The following TOX variants were observed in gnomAD, a reference collection of about 807,000 sequenced individuals.
TOX encodes the protein thymocyte selection associated high mobility group box.
TOX carries 11 observed loss-of-function variants against 53.7 expected under a neutral mutation model. The ratio of observed to expected loss-of-function variants is 0.20; its 90% CI spans 0.13 to 0.34. The LOEUF (loss-of-function observed/expected upper bound fraction) is 0.34, where lower values mean the gene tolerates loss of function less well. TOX is among the 10% of genes least tolerant of loss of function. The probability of loss-of-function intolerance (pLI) is 1.00; values close to 1 mark genes in which losing one functional copy is unlikely to be tolerated. For synonymous variants in TOX, 225 were observed against 245.3 expected, an observed-to-expected ratio of 0.92 and a Z score of 0.77; for missense variants, 570 against 664.6, an observed-to-expected ratio of 0.86 and a Z score of 1.56.
intron 3 of TOX, among the ~76,000 whole-genome samples, chr8:58,896,127 GT>G: frequency 6.6e-6 from 1 of 152,072 alleles, no homozygotes; most frequent in South Asian, 2.1e-4. Flanking sequence ...TGCTTCCTAC[GT>G]TTGGCTATGT....
chr8:59,013,691 G>C (rs527256293), intron 1 of TOX, among the ~76,000 whole-genome samples: 1 of 152,330 alleles, frequency 6.6e-6, no homozygotes, highest in African/African-American at 2.4e-5. Context: ...TTACAGGCGT[G>C]AGCCAGCGCA....
chr8:59,083,325 T>C (rs1375353704), intron 1 of TOX, among the ~76,000 whole-genome samples: 1 of 152,256 alleles, frequency 6.6e-6, no homozygotes, highest in Non-Finnish European at 1.5e-5. Flanking sequence ...CAATTTTAAA[T>C]ACCTTTAGTT....
At chr8:58,854,880 T>C (rs1211245286) in intron 3 of TOX, among the ~76,000 whole-genome samples, 4 of 152,122 alleles carry the variant, frequency 2.6e-5, no homozygotes, top group African/African-American at 7.2e-5. Flanking sequence ...ATGTATAATA[T>C]GGGGAAAATT....
At chr8:58,820,700 T>C (rs961385250) in intron 6 of TOX, among the ~76,000 whole-genome samples, 1 of 152,178 alleles carries the variant, frequency 6.6e-6, no homozygotes, top group East Asian at 1.9e-4. Flanking sequence ...TGTAACAAGA[T>C]TGATTTTCTA....
At chr8:58,909,658 CTCT>C (rs1811876593) in intron 3 of TOX, among the ~76,000 whole-genome samples, 1 of 148,632 alleles carries the variant, frequency 6.7e-6, no homozygotes, top group Admixed American at 7.0e-5. Context: ...TTCTCTCTCT[CTCT>C]TTTTTTTTTT....
intron 1 of TOX, among the ~76,000 whole-genome samples, chr8:58,975,370 C>T (rs548793263): frequency 7.2e-4 from 109 of 152,130 alleles, no homozygotes; most frequent in Middle Eastern, 3.4e-3. Context: ...ACCAGGTTCT[C>T]TTCTAGAAAA....
At chr8:59,067,925 A>G (rs899182488) in intron 1 of TOX, among the ~76,000 whole-genome samples, 14 of 152,248 alleles carry the variant, frequency 9.2e-5, no homozygotes, top group Non-Finnish European at 2.1e-4. Flanking sequence ...GTGAAAAGGT[A>G]TAATTGTAGT....
chr8:59,001,548 G>A lies in TOX; in HGVS notation c.103-41540C>T, dbSNP rs577795834. Among the ~76,000 whole-genome samples the A allele has an allele frequency of 9.2e-5, 14 of 152,276 alleles. No homozygotes were observed. In the East Asian group the frequency reaches 2.7e-3, roughly 29 times the overall value. On this transcript the variant is annotated intron_variant, in intron 1 of 8. Transcript: ENST00000361421. ...TACATGGTATTTTGTGTCTTACTCA[G>A]TTATGTAAGCACACAGGGATGCTCA...
intron 5 of TOX, among the ~76,000 whole-genome samples, chr8:58,836,858 T>C (rs1429421321): frequency 6.6e-6 from 1 of 152,234 alleles, no homozygotes; most frequent in Non-Finnish European, 1.5e-5. Context: ...TTATTCTCTG[T>C]TCTATCCTCA....
chr8:58,815,310 A>G (rs1810154307), intron 7 of TOX, 28 bp downstream of exon 7: 1 of 1,557,734 alleles, frequency 6.4e-7, no homozygotes, highest in East Asian at 2.3e-5. Context: ...AGGGGTGCAC[A>G]CTCTAAGTCC....
chr8:58,866,288 C>G (rs1370593140), intron 3 of TOX, among the ~76,000 whole-genome samples: 1 of 152,182 alleles, frequency 6.6e-6, no homozygotes, highest in African/African-American at 2.4e-5. Flanking sequence ...CACTGACTGA[C>G]ATACTCATCA....
intron 1 of TOX, chr8:58,991,806 G>C (rs1204486799): frequency 2.0e-5 from 3 of 152,502 alleles, no homozygotes; most frequent in Admixed American, 6.5e-5. Flanking sequence ...GTAACATGTT[G>C]ATGTTACAAA....
intron 3 of TOX, among the ~76,000 whole-genome samples, chr8:58,872,204 T>C (rs1811210784): frequency 6.6e-6 from 1 of 151,996 alleles, no homozygotes; most frequent in South Asian, 2.1e-4. Flanking sequence ...GCTAGAACAA[T>C]TTGAGCAAAA....
At chr8:58,914,743 G>A (rs1438963058) in intron 3 of TOX, among the ~76,000 whole-genome samples, 2 of 147,226 alleles carry the variant, frequency 1.4e-5, no homozygotes, top group South Asian at 2.1e-4. Flanking sequence ...AGCTCCCAGC[G>A]TGAGCGACGC....
intron 1 of TOX, among the ~76,000 whole-genome samples, chr8:59,049,382 A>G (rs1803747642): frequency 1.3e-5 from 2 of 152,224 alleles, no homozygotes; most frequent in Admixed American, 1.3e-4. Context: ...TCTTTTTAAC[A>G]AACTAGATAA....
chr8:59,017,974 T>G (rs750898364), intron 1 of TOX, among the ~76,000 whole-genome samples: 1 of 152,294 alleles, frequency 6.6e-6, no homozygotes, highest in African/African-American at 2.4e-5. Flanking sequence ...TTCTCCATTA[T>G]ACCAACAACC....
intron 5 of TOX, among the ~76,000 whole-genome samples, chr8:58,834,383 A>G (rs937464941): frequency 6.6e-6 from 1 of 152,154 alleles, no homozygotes; most frequent in Non-Finnish European, 1.5e-5. Context: ...ATTTGTCCAA[A>G]ATTTTGAATT....
intron 3 of TOX, among the ~76,000 whole-genome samples, chr8:58,902,107 G>T (rs13261666): frequency 0.55 from 83,925 of 151,910 alleles, 23,661 homozygotes; most frequent in African/African-American, 0.66. Flanking sequence ...ATTTATCTCA[G>T]TGCATTAAAA....
intron 1 of TOX, among the ~76,000 whole-genome samples, chr8:58,983,398 CT>C (rs1813237660): frequency 6.6e-6 from 1 of 152,206 alleles, no homozygotes; most frequent in Non-Finnish European, 1.5e-5. Flanking sequence ...AGCAACCACA[CT>C]TAAAGAACCC....
Sources: gnomAD v4.1 joint callset for allele counts (sites outside exome capture counted in the v4.1 genomes callset) on GRCh38, gnomAD v4.1.1 for gene constraint, MANE v1.5 for transcripts, NCBI Gene and HGNC (gene_info 2026-07-23, HGNC 2026-07-21) for gene names.